The following DENND4C variants were observed in gnomAD, a reference collection of about 807,000 sequenced individuals.
DENND4C encodes the protein DENN domain containing 4C.
DENND4C carries 108 observed loss-of-function variants against 203.0 expected under a neutral mutation model. The ratio of observed to expected loss-of-function variants is 0.53; its 90% CI spans 0.46 to 0.62. The LOEUF is 0.62. Among genes scored for constraint, DENND4C ranks in the 20% least tolerant of loss-of-function variants. The pLI is 0.00. For missense variants in DENND4C, 2,481 were observed against 2,301.2 expected (o/e 1.08, Z -1.60); for synonymous variants, 871 against 792.4 (o/e 1.10, Z -1.67).
chr9:19,256,312 T>C (rs1232896766), intron 1 of DENND4C, among the ~76,000 whole-genome samples: 7 of 73,856 alleles, frequency 9.5e-5, no homozygotes, highest in African/African-American at 1.5e-4. Flanking sequence ...TTTTTTTGTT[T>C]TTTTTTTTTT....
chr9:19,365,648 T>C (rs1827481890), intron 30 of DENND4C, among the ~76,000 whole-genome samples: 1 of 149,088 alleles, frequency 6.7e-6, no homozygotes, highest in South Asian at 2.1e-4. Flanking sequence ...ATATATAATA[T>C]ATAGAAAATT....
At chr9:19,304,393 A>G (rs1839226760) in intron 9 of DENND4C, among the ~76,000 whole-genome samples, 1 of 151,948 alleles carries the variant, frequency 6.6e-6, no homozygotes, top group Admixed American at 6.6e-5. Context: ...CATCTTGGCC[A>G]GGCTGGTCTC....
intron 1 of DENND4C, among the ~76,000 whole-genome samples, chr9:19,258,204 A>T (rs1828466065): frequency 1.3e-5 from 2 of 152,186 alleles, no homozygotes; most frequent in Admixed American, 1.3e-4. Flanking sequence ...AGGAATTGAA[A>T]TCATAGTTTA....
intron 29 of DENND4C, 60 bp from the exon 30 acceptor site, chr9:19,361,786 C>G: frequency 3.9e-6 from 4 of 1,013,320 alleles, no homozygotes; most frequent in Non-Finnish European, 3.1e-6. Context: ...TCAAGCTTCA[C>G]TAGATCTACT....
intron 6 of DENND4C, among the ~76,000 whole-genome samples, chr9:19,297,107 A>G (rs1837622637): frequency 6.6e-6 from 1 of 152,136 alleles, no homozygotes; most frequent in African/African-American, 2.4e-5. Flanking sequence ...ATGATAGTTT[A>G]TAATTTATGT....
intron 3 of DENND4C, among the ~76,000 whole-genome samples, chr9:19,287,297 G>A (rs1835382060): frequency 6.6e-6 from 1 of 152,154 alleles, no homozygotes; most frequent in African/African-American, 2.4e-5. Context: ...GATTTCAGTG[G>A]TGTCTTCAGG....
At chr9:19,255,919 T>G (rs1235978399) in intron 1 of DENND4C, among the ~76,000 whole-genome samples, 1 of 151,638 alleles carries the variant, frequency 6.6e-6, no homozygotes, top group Non-Finnish European at 1.5e-5. Flanking sequence ...TCTGCTAAAG[T>G]GCACATGGAA....
chr9:19,254,429 A>C (rs1206485878), intron 1 of DENND4C, among the ~76,000 whole-genome samples: 1 of 152,256 alleles, frequency 6.6e-6, no homozygotes, highest in East Asian at 1.9e-4. Flanking sequence ...AAATCCTGTC[A>C]TTGGTGACAT....
intron 23 of DENND4C, among the ~76,000 whole-genome samples, chr9:19,347,951 CA>C (rs1823266804): frequency 6.6e-6 from 1 of 151,912 alleles, no homozygotes; most frequent in Non-Finnish European, 1.5e-5. Flanking sequence ...TTGGTAAAAA[CA>C]AAAGTGGGTA....
At chr9:19,323,423 C>CT (rs1488253940) in intron 12 of DENND4C, among the ~76,000 whole-genome samples, 2 of 140,622 alleles carry the variant, frequency 1.4e-5, no homozygotes, top group African/African-American at 2.9e-5. Flanking sequence ...GAGCTAGACT[C>CT]TGTCTGGAAA....
At chr9:19,260,867 G>A (rs1048748084) in intron 1 of DENND4C, among the ~76,000 whole-genome samples, 2 of 152,052 alleles carry the variant, frequency 1.3e-5, no homozygotes, top group Admixed American at 6.6e-5. Flanking sequence ...TTTTGGGGTC[G>A]TAATCAAGAA....
chr9:19,324,926 C>G (rs1359685281), intron 13 of DENND4C, among the ~76,000 whole-genome samples: 1 of 152,028 alleles, frequency 6.6e-6, no homozygotes, highest in Non-Finnish European at 1.5e-5. Flanking sequence ...CTGTATTGCC[C>G]AGGCTGGTCT....
chr9:19,239,268 C>G (rs1823080520), intron 1 of DENND4C, among the ~76,000 whole-genome samples: 1 of 151,986 alleles, frequency 6.6e-6, no homozygotes, highest in South Asian at 2.1e-4. Context: ...CTGTTTTAGC[C>G]ACATCTCATA....
intron 26 of DENND4C, among the ~76,000 whole-genome samples, chr9:19,353,768 A>C (rs142580640): frequency 0.056 from 8,541 of 152,148 alleles, 765 homozygotes; most frequent in African/African-American, 0.19. Context: ...CCCCATCTCT[A>C]CAAAAAAATA....
intron 4 of DENND4C, among the ~76,000 whole-genome samples, chr9:19,289,467 A>G (rs1183472139): frequency 6.6e-6 from 1 of 152,186 alleles, no homozygotes; most frequent in African/African-American, 2.4e-5. Flanking sequence ...TAATGAACCA[A>G]ACCATTTAAT....
intron 20 of DENND4C, chr9:19,337,470 C>A: frequency 3.2e-6 from 1 of 308,104 alleles, no homozygotes; most frequent in Non-Finnish European, 5.4e-6. Context: ...GGTCTAATTC[C>A]TGTGCTTCAT....
intron 26 of DENND4C, among the ~76,000 whole-genome samples, chr9:19,353,937 C>T (rs1490384642): frequency 4.6e-5 from 7 of 152,146 alleles, no homozygotes; most frequent in Non-Finnish European, 1.0e-4. Context: ...TTTCTTTTAG[C>T]TTCAAGGGTG....
chr9:19,294,865 A>T (rs918159581), intron 5 of DENND4C, among the ~76,000 whole-genome samples: 23 of 152,172 alleles, frequency 1.5e-4, no homozygotes, highest in African/African-American at 5.3e-4. Context: ...AAAGTACAAT[A>T]GAGATTACCA....
At chr9:19,251,178 G>A (rs1340283974) in intron 1 of DENND4C, among the ~76,000 whole-genome samples, 1 of 152,152 alleles carries the variant, frequency 6.6e-6, no homozygotes, top group Non-Finnish European at 1.5e-5. Context: ...GCGGTGGTTC[G>A]CAAACCCTAG....
Sources: gnomAD v4.1 joint callset for allele counts (sites outside exome capture counted in the v4.1 genomes callset) on GRCh38, gnomAD v4.1.1 for gene constraint, MANE v1.5 for transcripts, NCBI Gene and HGNC (gene_info 2026-07-23, HGNC 2026-07-21) for gene names.